The following DENND4A variants were observed in gnomAD, a reference collection of about 807,000 sequenced individuals.
DENND4A encodes the protein C-myc promoter-binding protein.
Under a neutral mutation model 199.3 loss-of-function variants are expected in DENND4A, and 70 were observed. The ratio of observed to expected loss-of-function variants is 0.35; its 90% CI spans 0.29 to 0.43. The LOEUF (loss-of-function observed/expected upper bound fraction) is 0.43, where lower values mean the gene tolerates loss of function less well. DENND4A is among the 20% of genes least tolerant of loss of function. The pLI is 1.00. For missense variants in DENND4A, 1,723 were observed against 2,255.8 expected (o/e 0.76, Z 4.78); for synonymous variants, 686 against 766.9 (o/e 0.89, Z 1.74).
rs2075966850 is a variant in DENND4A at position 65,731,745 on chromosome 15, C to T, written c.1108-45G>A. ...AAAGAATTTGAAACATAAAGATGAA[C>T]TTTAAAACACCACTTTCTGTTAAAA... On this transcript the variant is annotated intron_variant, in intron 8 of 32. Coordinates refer to ENST00000443035, the MANE Select transcript of DENND4A (RefSeq NM_001320835.1). The T allele has an allele frequency of 2.3e-6, 3 of 1,287,600 alleles. No individual in the cohort carries two copies. The East Asian group carries it at 7.6e-5, about 33-fold the overall frequency. The allele number at this position is 1,287,600 out of a possible 1,614,324, so 79.8% of individuals were successfully genotyped here. A position where few individuals can be genotyped will look rare whatever the true frequency, so the allele number is the denominator to read the frequency against.
chr15:65,783,296 T>C (rs1220497885), intron 1 of DENND4A, among the ~76,000 whole-genome samples: 2 of 152,134 alleles, frequency 1.3e-5, no homozygotes. Context: ...ACAAATAAGT[T>C]AATAGATGTC....
intron 5 of DENND4A, among the ~76,000 whole-genome samples, chr15:65,741,012 AAC>A (rs957054659): frequency 1.3e-5 from 2 of 152,246 alleles, no homozygotes; most frequent in African/African-American, 4.8e-5. Flanking sequence ...TAGAACTCTA[AAC>A]ACACACGTAT....
chr15:65,687,530 C>A (rs1292223079), intron 23 of DENND4A, among the ~76,000 whole-genome samples: 2 of 152,058 alleles, frequency 1.3e-5, no homozygotes, highest in African/African-American at 4.8e-5. Flanking sequence ...GTTTAAATAA[C>A]TTCCTTCAGC....
At chr15:65,667,764 T>A (rs746791411) in intron 28 of DENND4A, 61 bp from the exon 29 acceptor site, 1 of 1,540,276 alleles carries the variant, frequency 6.5e-7, no homozygotes. Context: ...CATTAAAAAA[T>A]TCAATGATTC....
At chr15:65,675,991 G>C (rs2076362461) in intron 24 of DENND4A, among the ~76,000 whole-genome samples, 1 of 151,620 alleles carries the variant, frequency 6.6e-6, no homozygotes, top group Non-Finnish European at 1.5e-5. Flanking sequence ...CTATAATTTT[G>C]TACTATATAG....
chr15:65,728,960 G>T, intron 11 of DENND4A, 112 bp downstream of exon 11: 1 of 1,099,674 alleles, frequency 9.1e-7, no homozygotes. Flanking sequence ...CACATAACAA[G>T]GAAAACAATA....
At chr15:65,729,009 C>A (rs2075887419) in intron 11 of DENND4A, 63 bp downstream of exon 11, 2 of 1,387,058 alleles carry the variant, frequency 1.4e-6, no homozygotes, top group African/African-American at 2.9e-5. Context: ...ATAAAATATA[C>A]AGTTACATAC....
At chr15:65,742,768 A>T (rs1262457390) in intron 4 of DENND4A, among the ~76,000 whole-genome samples, 5 of 152,160 alleles carry the variant, frequency 3.3e-5, no homozygotes, top group Admixed American at 2.6e-4. Flanking sequence ...ATTTATCATT[A>T]CATGCTATAT....
At position 65,756,305 on chromosome 15, in the gene DENND4A, G is replaced by A; in HGVS notation, c.146C>T (p.Ser49Leu). The change falls in exon 3 of 33, where the codon TCA (serine) becomes TTA (leucine). Residue 49 changes from serine (S) to leucine (L), a missense_variant. By Grantham distance (145) the Ser-to-Leu change is moderately radical. Around this residue, in one of 6 missense-constraint regions of DENND4A, gnomAD observed 725 missense variants for 952.9 expected, o/e 0.76. Transcript: ENST00000443035. ...AKPKEPITDV[S>L]VIIKSLGEEV... Reference sequence around the variant, plus strand: ...CTCCCCAAGAGATTTGATAATAACTGAAACATCTGTAATAGGTTCTTTTGG... The same window carrying A: ...CTCCCCAAGAGATTTGATAATAACTAAAACATCTGTAATAGGTTCTTTTGG... 1 of 1,613,512 alleles carries A rather than the reference G, an allele frequency of 6.2e-7. No individual in the cohort carries two copies. Among genetic ancestry groups the A allele is most frequent in the African/African-American group, 1.3e-5 (1 of 75,036 alleles).
chr15:65,702,358 C>T lies in DENND4A; in HGVS notation c.2377G>A (p.Ala793Thr). 1 of 1,553,586 alleles carries T rather than the reference C, an allele frequency of 6.4e-7. No individual in the cohort carries two copies. Among genetic ancestry groups the T allele is most frequent in the Non-Finnish European group, 8.7e-7 (1 of 1,147,936 alleles). The change falls in exon 17 of 33, where the codon GCA becomes ACA. Residue 793 changes from alanine (A) to threonine (T), a missense_variant. Ala to Thr is a moderately conservative substitution (Grantham distance 58). Around this residue, in one of 6 missense-constraint regions of DENND4A, gnomAD observed 725 missense variants for 952.9 expected, o/e 0.76. Coordinates refer to ENST00000443035, the MANE Select transcript of DENND4A (RefSeq NM_001320835.1). ...CHSKVRALKTAYDVLKKMQSK... is the reference protein window; with the variant it reads ...CHSKVRALKTTYDVLKKMQSK... ...TGCATTTTTTTAAGCACATCATATG[C>T]TGTTTTCAGAGCCCTGACTTTTGAA...
At chr15:65,668,210 C>CTCT in intron 27 of DENND4A, 87 bp from the exon 28 acceptor site, 1 of 671,144 alleles carries the variant, frequency 1.5e-6, no homozygotes, top group Non-Finnish European at 2.2e-6. Context: ...CTCTCTCTCT[C>CTCT]TTTTTTTTTT....
intron 12 of DENND4A, chr15:65,719,163 T>C (rs1022581018): frequency 6.6e-6 from 1 of 151,918 alleles, no homozygotes; most frequent in African/African-American, 2.4e-5. Flanking sequence ...ATATAATACA[T>C]ATATATGTCT....
chr15:65,728,819 C>T (rs2075883305), intron 11 of DENND4A: 1 of 450,166 alleles, frequency 2.2e-6, no homozygotes, highest in Non-Finnish European at 4.1e-6. Context: ...GCAAGCCTAA[C>T]ATTAAAATGT....
chr15:65,720,316 C>A (rs1452976714), intron 12 of DENND4A, among the ~76,000 whole-genome samples: 2 of 151,768 alleles, frequency 1.3e-5, no homozygotes, highest in African/African-American at 4.8e-5. Flanking sequence ...ATATAAGGAA[C>A]AATTAATCGT....
intron 11 of DENND4A, among the ~76,000 whole-genome samples, chr15:65,726,288 T>C (rs1159108710): frequency 1.3e-5 from 2 of 152,092 alleles, no homozygotes; most frequent in African/African-American, 2.4e-5. Flanking sequence ...TTAAGAGACA[T>C]TGTAAGGTGG....
At chr15:65,668,358 G>A (rs905651980) in intron 27 of DENND4A, among the ~76,000 whole-genome samples, 16 of 151,902 alleles carry the variant, frequency 1.1e-4, no homozygotes, top group African/African-American at 3.9e-4. Flanking sequence ...ACGGGCACAC[G>A]CCACCATGCC....
In DENND4A at chr15:65,661,838, A is replaced by G. The variant is rs118044397; in HGVS notation, c.*13T>C. 7.5e-6 allele frequency: 12 copies of G among 1,594,922 alleles called. No homozygotes were observed. The highest frequency in any genetic ancestry group is 1.8e-5 in the Admixed American group (1 of 57,076). The stretch of plus-strand genomic sequence containing the variant: ...TACAATATACATTGAATGTTTACAC[A>G]TACAAATACATCTTAAAGATAAGGT... On this transcript the variant is annotated 3_prime_UTR_variant, in exon 33 of 33. Coordinates refer to ENST00000443035, the MANE Select transcript of DENND4A (RefSeq NM_001320835.1).
intron 11 of DENND4A, among the ~76,000 whole-genome samples, chr15:65,726,709 C>T (rs2075811677): frequency 6.6e-6 from 1 of 151,978 alleles, no homozygotes; most frequent in African/African-American, 2.4e-5. Flanking sequence ...CTGTCTCAGC[C>T]CTTTGGGAGG....
At chr15:65,670,852 G>GC (rs2076194638) in intron 25 of DENND4A, among the ~76,000 whole-genome samples, 1 of 152,150 alleles carries the variant, frequency 6.6e-6, no homozygotes, top group Non-Finnish European at 1.5e-5. Context: ...CATCATCTAT[G>GC]TTTTGGCTGT....
Sources: gnomAD v4.1 joint callset for allele counts (sites outside exome capture counted in the v4.1 genomes callset) on GRCh38, gnomAD v4.1.1 for gene constraint, gnomAD v4.1.1 regional missense constraint, MANE v1.5 for transcripts, NCBI Gene and HGNC (gene_info 2026-07-23, HGNC 2026-07-21) for gene names.